MIPEP: variants seen among roughly 807,000 people sequenced by gnomAD.
MIPEP encodes the protein mitochondrial intermediate peptidase.
A neutral mutation model predicts 90.3 loss-of-function variants in MIPEP; 79 were observed. The observed-to-expected ratio is 0.87, with a 90% CI of 0.73 to 1.05. MIPEP has a LOEUF of 1.05. Among genes scored for constraint, MIPEP ranks in the 50% least tolerant of loss-of-function variants. The pLI, the probability that MIPEP is intolerant of heterozygous loss-of-function variation, is 0.00. For missense variants in MIPEP, 940 were observed against 905.6 expected (o/e 1.04, Z -0.49); for synonymous variants, 334 against 315.8 (o/e 1.06, Z -0.61).
chr13:23,810,220 G>A (rs1953156799), intron 14 of MIPEP, among the ~76,000 whole-genome samples: 1 of 152,112 alleles, frequency 6.6e-6, no homozygotes, highest in South Asian at 2.1e-4. Context: ...ACCTCAAAGG[G>A]AATACTTTTT....
intron 16 of MIPEP, among the ~76,000 whole-genome samples, chr13:23,796,579 T>A (rs1319075822): frequency 2.8e-5 from 4 of 140,580 alleles, no homozygotes; most frequent in African/African-American, 1.2e-4. Flanking sequence ...TTTTTGGGAC[T>A]ACTAAAAAAA....
intron 16 of MIPEP, among the ~76,000 whole-genome samples, chr13:23,782,883 A>G (rs145791652): frequency 0.078 from 11,885 of 152,150 alleles, 1,523 homozygotes; most frequent in African/African-American, 0.27. Context: ...CTTGACACAT[A>G]CACTCTCCCA....
In MIPEP at chr13:23,889,168, G is replaced by A. The variant is rs978980902; in HGVS notation, c.153C>T (p.Pro51=). The change falls in exon 1 of 19, where the codon CCC becomes CCT. Residue 51 remains proline (P), a synonymous_variant. Transcript: ENST00000382172. The part of the protein sequence containing the change: ...SPVGAAFNVK[P]QGSRLDLFGE... ...CGAACAGGTCCAAGCGGCTGCCCTG[G>A]GGCTTGACATTGAAGGCGGCGCCCA... The A allele has an allele frequency of 8.9e-6, 13 of 1,467,056 alleles. No homozygotes were observed. In the East Asian group the frequency reaches 3.5e-4, roughly 40 times the overall value. The allele number at this position is 1,467,056 out of a possible 1,614,324, so 90.9% of individuals were successfully genotyped here.
intron 14 of MIPEP, among the ~76,000 whole-genome samples, chr13:23,817,997 A>G (rs1432981017): frequency 6.7e-6 from 1 of 149,586 alleles, no homozygotes; most frequent in Admixed American, 6.6e-5. Flanking sequence ...GTCAGAATTG[A>G]GGTTAGGCAC....
At chr13:23,745,063 G>C (rs554177356) in intron 18 of MIPEP, among the ~76,000 whole-genome samples, 1 of 152,140 alleles carries the variant, frequency 6.6e-6, no homozygotes, top group Non-Finnish European at 1.5e-5. Context: ...ATTTAGTACC[G>C]AATGGAAAGA....
intron 16 of MIPEP, among the ~76,000 whole-genome samples, chr13:23,783,607 C>T (rs570323888): frequency 6.6e-6 from 1 of 152,250 alleles, no homozygotes; most frequent in African/African-American, 2.4e-5. Context: ...CCAGGGCAAT[C>T]AGGCAAGAGA....
intron 14 of MIPEP, among the ~76,000 whole-genome samples, chr13:23,831,385 G>GCAGGA (rs57512059): frequency 0.01 from 1,367 of 132,582 alleles, 142 homozygotes; most frequent in Admixed American, 0.092. Flanking sequence ...CCCCATGGCG[G>GCAGGA]GGGGGGGATG....
chr13:23,830,280 T>C (rs1167059666), intron 14 of MIPEP, among the ~76,000 whole-genome samples: 2 of 152,196 alleles, frequency 1.3e-5, no homozygotes, highest in African/African-American at 4.8e-5. Context: ...AGATTAATCT[T>C]AGGCATAAAA....
chr13:23,795,484 T>C (rs1952948314), intron 16 of MIPEP, among the ~76,000 whole-genome samples: 1 of 152,200 alleles, frequency 6.6e-6, no homozygotes, highest in Non-Finnish European at 1.5e-5. Context: ...CCTGTCTTAG[T>C]TTAAAAATAA....
At chr13:23,747,636 C>G in intron 18 of MIPEP, 1 of 440,658 alleles carries the variant, frequency 2.3e-6, no homozygotes, top group Non-Finnish European at 4.5e-6. Context: ...TAAAGAACTT[C>G]ACGAAAATAT....
In MIPEP at chr13:23,812,807, AG is replaced by A. The variant is rs201681633; in HGVS notation, c.1654-2884del. 9.8e-3 allele frequency among the ~76,000 whole-genome samples: 1,497 copies of A among 152,346 alleles called. 8 individuals are homozygous for A. Among genetic ancestry groups the A allele is most frequent in the Middle Eastern group, 0.031 (9 of 294 alleles). On this transcript the variant is annotated intron_variant, in intron 14 of 18. Transcript: ENST00000382172. ...AATTTATAACTATTTCAAAATAAAA[AG>A]TTAAGTACCCAATTATCTATTCAAT...
Position 23,809,910 on chromosome 13 carries a change from AT to A in MIPEP, c.1667del (p.Asn556IlefsTer37). 1 of 1,613,274 alleles carries A rather than the reference AT, an allele frequency of 6.2e-7. No individual in the cohort carries two copies. On this transcript the variant is annotated frameshift_variant, in exon 15 of 19. Coordinates refer to ENST00000382172, the MANE Select transcript of MIPEP (RefSeq NM_005932.4). LOFTEE classifies it high-confidence loss of function. ...HYQTGQPLPK[N>X]MVSRLCESKK... is the part of the protein sequence containing the mutation. ...TAGATTCACAAAGACGAGACACCAT[AT>A]TTTTTGGCAGTGGCTTGATAAAACA... is the stretch of plus-strand genomic sequence containing the variant.
At chr13:23,859,014 G>A (rs754816274) in intron 9 of MIPEP, 102 bp from the exon 10 acceptor site, 1 of 910,414 alleles carries the variant, frequency 1.1e-6, no homozygotes, top group Non-Finnish European at 1.7e-6. Flanking sequence ...TACTGTTCAT[G>A]TAAATCAGAA....
intron 2 of MIPEP, among the ~76,000 whole-genome samples, chr13:23,884,412 C>A (rs979700319): frequency 2.0e-5 from 3 of 152,162 alleles, no homozygotes; most frequent in African/African-American, 7.2e-5. Context: ...GAGAGGCTAA[C>A]AAACTTTGCA....
intron 18 of MIPEP, among the ~76,000 whole-genome samples, chr13:23,754,908 C>T (rs1388906718): frequency 6.6e-6 from 1 of 152,224 alleles, no homozygotes; most frequent in Non-Finnish European, 1.5e-5. Flanking sequence ...ACTAGATGTC[C>T]TGTCTGACAG....
At chr13:23,841,517 A>G in intron 10 of MIPEP, 29 bp from the exon 11 acceptor site, 2 of 1,562,298 alleles carry the variant, frequency 1.3e-6, no homozygotes, top group Non-Finnish European at 1.7e-6. Flanking sequence ...GTTCAACAGC[A>G]TCTTTGTTTA....
intron 18 of MIPEP, among the ~76,000 whole-genome samples, chr13:23,741,832 A>G (rs921176181): frequency 6.6e-6 from 1 of 152,096 alleles, no homozygotes; most frequent in Non-Finnish European, 1.5e-5. Context: ...ATTTAAAAAA[A>G]AAAAATAAAA....
At chr13:23,793,949 A>G (rs569661627) in intron 16 of MIPEP, among the ~76,000 whole-genome samples, 2 of 152,210 alleles carry the variant, frequency 1.3e-5, no homozygotes, top group East Asian at 3.9e-4. Context: ...TTAGCTTAAG[A>G]TCAATGGAAG....
chr13:23,869,353 C>G lies in MIPEP; in HGVS notation c.882G>C (p.Lys294Asn), dbSNP rs769195787. The change falls in exon 7 of 19, where the codon AAG becomes AAC. Residue 294 changes from lysine to asparagine, a missense_variant. Lys to Asn is a moderately conservative substitution (Grantham distance 94). Transcript: ENST00000382172. ...GAGAAAACGTGGAATACCCCACCAA[C>G]TTTGCCAGAAGATCTCTGCTGCTGA... ...ELLSSRDLLA[K>N]LVGYSTFSHR... is the part of the protein sequence containing the mutation. 1.2e-6 allele frequency: 2 copies of G among 1,613,610 alleles called. No individual in the cohort carries two copies. The highest frequency in any genetic ancestry group is 1.7e-6 in the Non-Finnish European group (2 of 1,179,900).
Sources: allele counts gnomAD v4.1 joint callset (sites outside exome capture counted in the v4.1 genomes callset), GRCh38; gene constraint gnomAD v4.1.1; transcripts MANE v1.5; gene names NCBI Gene and HGNC (gene_info 2026-07-23, HGNC 2026-07-21).